The following MYH4 variants were observed in gnomAD, a reference collection of about 807,000 sequenced individuals.
MYH4 encodes myosin heavy chain 4.
Under a neutral mutation model 229.9 loss-of-function variants are expected in MYH4, and 200 were observed. That is an observed-to-expected ratio of 0.87 (90% CI 0.78 to 0.98). The LOEUF is 0.98. MYH4 is among the 50% of genes least tolerant of loss of function. The pLI is 0.00. For synonymous variants in MYH4, 761 were observed against 834.6 expected, an observed-to-expected ratio of 0.91 and a Z score of 1.52; for missense variants, 2,148 against 2,332.6, an observed-to-expected ratio of 0.92 and a Z score of 1.63.
At chr17:10,460,386 G>A in intron 12 of MYH4, 65 bp from the exon 13 acceptor site, 1 of 1,257,862 alleles carries the variant, frequency 8.0e-7, no homozygotes, top group Admixed American at 2.2e-5. Flanking sequence ...TGTAAATGAT[G>A]ATGACAAAGA....
At chr17:10,451,912 A>T in intron 27 of MYH4, 29 bp downstream of exon 27, 1 of 1,556,250 alleles carries the variant, frequency 6.4e-7, no homozygotes, top group Non-Finnish European at 8.7e-7. Flanking sequence ...TTGCAAATAA[A>T]GATGAAAAGG....
intron 16 of MYH4, 102 bp downstream of exon 16, chr17:10,457,318 A>G (rs1257753423): frequency 3.1e-6 from 4 of 1,309,382 alleles, no homozygotes; most frequent in Non-Finnish European, 3.1e-6. Context: ...TGTATTGGCC[A>G]GTGTTTTTGT....
rs1235955047 is a variant in MYH4 at position 10,459,994 on chromosome 17, G to A, written c.1374C>T (p.Tyr458=). Residue 458 remains tyrosine, a synonymous_variant, in exon 14 of 40, where the codon TAC becomes TAT. Transcript: ENST00000255381. ...CAGCAATGTCCAAGACCCCGATGAAGTACTGCCTGGGCTGCTTGGTGTCCA... is the reference window on the plus strand; with the variant it reads ...CAGCAATGTCCAAGACCCCGATGAAATACTGCCTGGGCTGCTTGGTGTCCA... The part of the protein sequence containing the change: ...QQLDTKQPRQ[Y]FIGVLDIAGF... 1.2e-6 allele frequency: 2 copies of A among 1,613,936 alleles called. No homozygotes were observed. Among genetic ancestry groups the A allele is most frequent in the African/African-American group, 2.7e-5 (2 of 74,898 alleles).
chr17:10,458,851 G>A (rs8076779), intron 15 of MYH4, among the ~76,000 whole-genome samples: 6,343 of 152,202 alleles, frequency 0.042, 423 homozygotes, highest in African/African-American at 0.14. Context: ...TCTTTAAGAC[G>A]TGTTGACATA....
rs1163155431 is a variant in MYH4 at position 10,463,569 on chromosome 17, A to G, written c.723T>C (p.Asn241=). 2 of 1,613,472 alleles carry G rather than the reference A, an allele frequency of 1.2e-6. No homozygotes were observed. The highest frequency in any genetic ancestry group is 1.1e-5 in the South Asian group (1 of 91,056). ...EAFGNAKTVR[N]DNSSRFGKFI... ...GACTTACAAAGCGAGAGGAGTTGTC[A>G]TTCCTCACGGTCTTGGCATTGCCGA... Residue 241 remains asparagine, a synonymous_variant, in exon 8 of 40, where the codon AAT becomes AAC. Coordinates refer to ENST00000255381, the MANE Select transcript of MYH4 (RefSeq NM_017533.2).
rs776740713 is a variant in MYH4, at chr17:10,454,617, G to C, written c.2629C>G (p.Leu877Val). 8 of 1,614,090 alleles carry C rather than the reference G, an allele frequency of 5.0e-6. No homozygotes were observed. The highest frequency in any genetic ancestry group is 1.7e-4 in the Middle Eastern group (1 of 6,050). ...LAKTEAKRKE[L>V]EEKMVTLMQE... is the part of the protein sequence containing the mutation. The stretch of plus-strand genomic sequence containing the variant: ...ATTAGCGTCACCATCTTTTCTTCTA[G>C]TTCTTTCCTTTTTGCCTCTGTCTTA... Residue 877 changes from leucine (L) to valine (V), a missense_variant, in exon 22 of 40, where the codon CTA becomes GTA. Leu to Val is a conservative substitution (Grantham distance 32). Transcript: ENST00000255381.
chr17:10,454,649 T>C lies in MYH4; in HGVS notation c.2597A>G (p.Glu866Gly). The change falls in exon 22 of 40, where the codon GAG (glutamate) becomes GGG (glycine). Residue 866 changes from glutamate to glycine, a missense_variant. Coordinates refer to ENST00000255381, the MANE Select transcript of MYH4 (RefSeq NM_017533.2). ...MKEEFEKTKE[E>G]LAKTEAKRKE... ...CCTTTTTGCCTCTGTCTTAGCCAGC[T>C]CTTCTTTGGTTTTCTCAAATTCTTC... is the stretch of plus-strand genomic sequence containing the variant. 6.2e-7 allele frequency: 1 copy of C among 1,614,228 alleles called. No homozygotes were observed. The highest frequency in any genetic ancestry group is 1.7e-4 in the Middle Eastern group (1 of 6,054).
intron 30 of MYH4, 22 bp downstream of exon 30, chr17:10,450,431 C>T (rs1365433250): frequency 6.2e-7 from 1 of 1,613,880 alleles, no homozygotes. Context: ...TCTTCCTGCT[C>T]CCCTGCACTA....
chr17:10,461,983 G>A (rs2072708541), intron 11 of MYH4, among the ~76,000 whole-genome samples: 1 of 152,100 alleles, frequency 6.6e-6, no homozygotes, highest in African/African-American at 2.4e-5. Context: ...GCAGACCAGG[G>A]TGTGTTTCTT....
Position 10,443,691 on chromosome 17 carries a change from C to T in MYH4, c.5668-164G>A, listed in dbSNP as rs1025066280. The stretch of plus-strand genomic sequence containing the variant: ...ATCCCAGCACTCTGGGAGACTGAGG[C>T]GGGTGGATCACCTGAGGTCAGGAAT... On this transcript the variant is annotated intron_variant, in intron 39 of 39. Transcript: ENST00000255381. The surrounding 1 kb of genome is among the most constrained non-coding windows in gnomAD (Gnocchi z 4.6). Among the ~76,000 whole-genome samples the T allele has an allele frequency of 1.3e-5, 2 of 152,156 alleles. No individual in the cohort carries two copies. Among genetic ancestry groups the T allele is most frequent in the African/African-American group, 4.8e-5 (2 of 41,434 alleles).
At position 10,447,924 on chromosome 17, in the gene MYH4, T is replaced by G; in HGVS notation, c.4859A>C (p.Lys1620Thr). The G allele has an allele frequency of 6.2e-7, 1 of 1,614,068 alleles. No individual in the cohort carries two copies. Among genetic ancestry groups the G allele is most frequent in the Non-Finnish European group, 8.5e-7 (1 of 1,179,990 alleles). ...TTCATTAAGATCTCCCTCCATCTTC[T>G]TCTTGATCCTCAGAGCATCATTTCT... ...RSRNDALRIK[K>T]KMEGDLNEME... The change falls in exon 34 of 40, where the codon AAG becomes ACG. Residue 1620 changes from lysine (K) to threonine (T), a missense_variant. Lys to Thr is a moderately conservative substitution (Grantham distance 78). Transcript: ENST00000255381.
Position 10,460,025 on chromosome 17 carries a change from T to C in MYH4, c.1343A>G (p.Gln448Arg), listed in dbSNP as rs778158885. Reference protein sequence around the residue: ...MFLWMVTRINQQLDTKQPRQY... With the variant: ...MFLWMVTRINRQLDTKQPRQY... ...CCTGGGCTGCTTGGTGTCCAGCTGC[T>C]GGTTGATGCGGGTGACCATCCACAG... is the stretch of plus-strand genomic sequence containing the variant. The change falls in exon 14 of 40, where the codon CAG becomes CGG. Residue 448 changes from glutamine to arginine, a missense_variant. By Grantham distance (43) the Gln-to-Arg change is conservative. Transcript: ENST00000255381. The C allele has an allele frequency of 7.4e-6, 12 of 1,614,050 alleles. No individual in the cohort carries two copies. In the African/African-American group the frequency reaches 1.5e-4, roughly 20 times the overall value.
rs554011504 is a variant in MYH4 at position 10,445,275 on chromosome 17, G to A, written c.5257C>T (p.Arg1753Cys). The A allele has an allele frequency of 1.4e-5, 23 of 1,614,056 alleles. No individual in the cohort carries two copies. The highest frequency in any genetic ancestry group is 6.7e-5 in the Admixed American group (4 of 60,006). The part of the protein sequence containing the change: ...GEMEDIVQEA[R>C]NAEEKAKKAI... ...TTCTTGGCCTTCTCCTCTGCATTGC[G>A]GGCTTCCTGGACGATGTCCTCCATC... is the stretch of plus-strand genomic sequence containing the variant. The change falls in exon 36 of 40, where the codon CGC becomes TGC. Residue 1753 changes from arginine (R) to cysteine (C), a missense_variant. By Grantham distance (180) the Arg-to-Cys change is radical. Transcript: ENST00000255381.
chr17:10,460,386 G>T, intron 12 of MYH4, 65 bp from the exon 13 acceptor site: 3 of 1,257,872 alleles, frequency 2.4e-6, no homozygotes, highest in Middle Eastern at 2.3e-4. Context: ...TGTAAATGAT[G>T]ATGACAAAGA....
rs1204283866 is a variant in MYH4 at position 10,466,644 on chromosome 17, G to C, written c.102C>G (p.Ala34=). 1.2e-6 allele frequency: 2 copies of C among 1,613,982 alleles called. No individual in the cohort carries two copies. The highest frequency in any genetic ancestry group is 2.7e-5 in the African/African-American group (2 of 74,896). The change falls in exon 3 of 40, where the codon GCC becomes GCG. Residue 34 remains alanine, a synonymous_variant. Transcript: ENST00000255381. The part of the protein sequence containing the change: ...RIEAQNKPFD[A]KTSVFVVDPK... ...GGTCCACCACAAAGACTGATGTCTT[G>C]GCATCAAAAGGCTTGTTCTGAGCTT... is the stretch of plus-strand genomic sequence containing the variant.
chr17:10,453,937 C>A, intron 22 of MYH4, 52 bp from the exon 23 acceptor site: 1 of 1,599,716 alleles, frequency 6.3e-7, no homozygotes, highest in South Asian at 1.1e-5. Context: ...TCTATAAGCA[C>A]ACAATAATTT....
intron 12 of MYH4, 69 bp downstream of exon 12, chr17:10,460,847 C>T (rs1010607901): frequency 3.6e-5 from 56 of 1,552,178 alleles, no homozygotes; most frequent in Non-Finnish European, 4.2e-5. Flanking sequence ...AGTAAAAACA[C>T]GGTCCCTGCC....
chr17:10,465,566 G>T lies in MYH4; in HGVS notation c.381C>A (p.Asn127Lys), dbSNP rs767344958. The change falls in exon 5 of 40, where the codon AAC becomes AAA. Residue 127 changes from asparagine to lysine, a missense_variant. Transcript: ENST00000255381. ...TYSGLFCVTV[N>K]PYKWLPVYNP... is the part of the protein sequence containing the mutation. ...TGTACACCGGCAGCCACTTGTAGGG[G>T]TTGACGGTGACACAGAAGAGGCCCG... is the stretch of plus-strand genomic sequence containing the variant. 11 of 1,614,142 alleles carry T rather than the reference G, an allele frequency of 6.8e-6. No individual in the cohort carries two copies. The highest frequency in any genetic ancestry group is 3.3e-4 in the Middle Eastern group (2 of 6,062).
Position 10,462,987 on chromosome 17 carries a change from A to G in MYH4, c.905-19T>C. 1 of 1,609,976 alleles carries G rather than the reference A, an allele frequency of 6.2e-7. No homozygotes were observed. The highest frequency in any genetic ancestry group is 1.7e-5 in the Admixed American group (1 of 59,974). On this transcript the variant is annotated intron_variant, in intron 10 of 39. Transcript: ENST00000255381. ...AGCATTTCTGAACACATGGAAAAGA[A>G]CAGTATATAGACAGCATTGCTTTGG...
Sources: allele counts gnomAD v4.1 joint callset (sites outside exome capture counted in the v4.1 genomes callset), GRCh38; gene constraint gnomAD v4.1.1; non-coding constraint Gnocchi (gnomAD v3.1); transcripts MANE v1.5; gene names NCBI Gene and HGNC (gene_info 2026-07-23, HGNC 2026-07-21).